The following PRKCZ variants were observed in gnomAD, a reference collection of about 807,000 sequenced individuals.
PRKCZ encodes the protein protein kinase C zeta type.
A neutral mutation model predicts 79.5 loss-of-function variants in PRKCZ; 33 were observed. The ratio of observed to expected loss-of-function variants is 0.41; its 90% CI spans 0.31 to 0.55. The LOEUF is 0.55. Ranked by LOEUF, PRKCZ falls within the 20% of genes least tolerant of loss-of-function variation. The probability of loss-of-function intolerance (pLI) is 0.19; values close to 1 mark genes in which losing one functional copy is unlikely to be tolerated. For missense variants in PRKCZ, 578 were observed against 813.5 expected (o/e 0.71, Z 3.52); for synonymous variants, 342 against 320.9 (o/e 1.07, Z -0.70).
chr1:2,175,501 T>C lies in PRKCZ; in HGVS notation c.1575+188T>C, dbSNP rs28594804. Among the ~76,000 whole-genome samples the C allele has an allele frequency of 4.9e-3, 147 of 29,788 alleles. 1 individual carries two copies. The highest frequency in any genetic ancestry group is 0.018 in the African/African-American group (132 of 7,406). The allele number at this position is 29,788 out of a possible 152,430, so 19.5% of individuals were successfully genotyped here. On this transcript the variant is annotated intron_variant, in intron 16 of 17. Transcript: ENST00000378567. ...CCACCAACCCAACCCCCAGCCCAAC[T>C]CCCACCCCAACCCCCAACTCAACCC...
rs1663829467 is a variant in PRKCZ, at chr1:2,082,896, AG to A, written c.334+23306del. Among the ~76,000 whole-genome samples the A allele has an allele frequency of 6.7e-6, 1 of 149,302 alleles. No individual in the cohort carries two copies. Among genetic ancestry groups the A allele is most frequent in the Non-Finnish European group, 1.5e-5 (1 of 67,252 alleles). On this transcript the variant is annotated intron_variant, in intron 4 of 17. Coordinates refer to ENST00000378567, the MANE Select transcript of PRKCZ (RefSeq NM_002744.6). The surrounding 1 kb of genome is among the most constrained non-coding windows in gnomAD (Gnocchi z 4.4). ...TGTGAGGGTGCAAGGGAGAGGGTGG[AG>A]AGGGTGGCAGTGAGGGCGCGAGAGG...
intron 4 of PRKCZ, among the ~76,000 whole-genome samples, chr1:2,109,219 A>C (rs1039558231): frequency 3.9e-5 from 6 of 152,200 alleles, no homozygotes; most frequent in Admixed American, 6.5e-5. Context: ...ACAGCTGACC[A>C]TGGGTGCTTC....
In PRKCZ at chr1:2,183,148, G is replaced by A. The variant is rs139278898; in HGVS notation, c.1576-1435G>A. On this transcript the variant is annotated intron_variant, in intron 16 of 17. Coordinates refer to ENST00000378567, the MANE Select transcript of PRKCZ (RefSeq NM_002744.6). ...CAGAAGGCTGAGGCGGGAGAATGGT[G>A]TGAACCTGGGAGGTGGAGCTTGCAG... Among the ~76,000 whole-genome samples, 209 of 152,300 alleles carry A rather than the reference G, an allele frequency of 1.4e-3. 2 individuals carry two copies. The East Asian group carries it at 0.033, about 24-fold the overall frequency.
At chr1:2,180,279 A>G (rs539537508) in intron 16 of PRKCZ, among the ~76,000 whole-genome samples, 1 of 152,140 alleles carries the variant, frequency 6.6e-6, no homozygotes, top group Admixed American at 6.5e-5. Flanking sequence ...TTTAAGGCCA[A>G]CCTGTTTATG....
intron 3 of PRKCZ, among the ~76,000 whole-genome samples, chr1:2,057,549 C>G (rs1660281539): frequency 6.6e-6 from 1 of 152,154 alleles, no homozygotes; most frequent in African/African-American, 2.4e-5. Context: ...TTTTCTTCGC[C>G]CTTTATATCA....
intron 10 of PRKCZ, among the ~76,000 whole-genome samples, chr1:2,164,048 A>G (rs1420000013): frequency 6.6e-6 from 1 of 152,198 alleles, no homozygotes; most frequent in African/African-American, 2.4e-5. Context: ...AACCATCCTT[A>G]GATTCCTGGG....
chr1:2,108,891 A>G (rs1669141273), intron 4 of PRKCZ, among the ~76,000 whole-genome samples: 1 of 152,180 alleles, frequency 6.6e-6, no homozygotes, highest in African/African-American at 2.4e-5. Flanking sequence ...TAGTCAAGGC[A>G]CCAGCTGGGT....
intron 4 of PRKCZ, chr1:2,133,733 C>T (rs1675543619): frequency 6.5e-6 from 1 of 152,682 alleles, no homozygotes; most frequent in African/African-American, 2.4e-5. Flanking sequence ...GTACCTCCGT[C>T]TCCGCCGCTT....
chr1:2,184,513 G>A (rs1047449400), intron 16 of PRKCZ, 70 bp from the exon 17 acceptor site: 23 of 1,150,224 alleles, frequency 2.0e-5, no homozygotes, highest in Middle Eastern at 1.9e-4. Context: ...ATTGAAGTGC[G>A]TGCAAAACAC....
chr1:2,182,895 A>T (rs1300920226), intron 16 of PRKCZ: 1 of 152,402 alleles, frequency 6.6e-6, no homozygotes, highest in Non-Finnish European at 1.5e-5. Flanking sequence ...GTGAGTGAGC[A>T]GGAGTGGGTT....
chr1:2,058,248 C>T lies in PRKCZ; in HGVS notation c.284-1293C>T, dbSNP rs570325524. Among the ~76,000 whole-genome samples the T allele has an allele frequency of 2.0e-5, 3 of 152,224 alleles. No homozygotes were observed. The South Asian group carries it at 6.2e-4, about 32-fold the overall frequency. On this transcript the variant is annotated intron_variant, in intron 3 of 17. Coordinates refer to ENST00000378567, the MANE Select transcript of PRKCZ (RefSeq NM_002744.6). ...AAACTCCTGACCTTAGGTGATCTGCCTGCCTCAGCTTCCTGAAGTGTTGGG... is the reference window on the plus strand; with the variant it reads ...AAACTCCTGACCTTAGGTGATCTGCTTGCCTCAGCTTCCTGAAGTGTTGGG...
In PRKCZ at chr1:2,082,354, G is replaced by A. The variant is rs1051690093; in HGVS notation, c.334+22763G>A. On this transcript the variant is annotated intron_variant, in intron 4 of 17. Coordinates refer to ENST00000378567, the MANE Select transcript of PRKCZ (RefSeq NM_002744.6). The surrounding 1 kb of genome is among the most constrained non-coding windows in gnomAD (Gnocchi z 4.4). ...GGCAAATCACCTCTTTCAAGTTGCC[G>A]GCTACCCGGCTGCCGTAGACAGAGT... The A allele has an allele frequency of 1.3e-5, 6 of 455,728 alleles. No homozygotes were observed. The highest frequency in any genetic ancestry group is 2.2e-5 in the Non-Finnish European group (5 of 226,834). The allele number at this position is 455,728 out of a possible 1,614,324, so 28.2% of individuals were successfully genotyped here. A position where few individuals can be genotyped will look rare whatever the true frequency, so the allele number is the denominator to read the frequency against.
chr1:2,148,927 G>A lies in PRKCZ; in HGVS notation c.687+3G>A, dbSNP rs1254739933. ...ACAGCATTAAAGACGACTCGGAGGT[G>A]AGTGTGTGGAGCAGCTCGCTGCCAT... On this transcript the variant is annotated splice_donor_region_variant and intron_variant, in intron 8 of 17. Coordinates refer to ENST00000378567, the MANE Select transcript of PRKCZ (RefSeq NM_002744.6). 1 of 1,613,724 alleles carries A rather than the reference G, an allele frequency of 6.2e-7. No individual in the cohort carries two copies.
intron 10 of PRKCZ, chr1:2,156,342 T>C: frequency 5.0e-6 from 2 of 397,150 alleles, no homozygotes; most frequent in Non-Finnish European, 9.6e-6. Flanking sequence ...AGTGCAGGCA[T>C]TGGGTCAGGT....
intron 4 of PRKCZ, among the ~76,000 whole-genome samples, chr1:2,067,906 T>C (rs28523801): frequency 0.13 from 19,163 of 152,282 alleles, 1,328 homozygotes; most frequent in East Asian, 0.23. Context: ...GTCTTTGAGC[T>C]GCTTTGCCTG....
intron 4 of PRKCZ, among the ~76,000 whole-genome samples, chr1:2,059,836 G>A (rs894341372): frequency 6.6e-6 from 1 of 152,206 alleles, no homozygotes; most frequent in Admixed American, 6.5e-5. Flanking sequence ...AAGTCCAGGG[G>A]TGCCCTGCCG....
At chr1:2,070,399 C>T (rs974475852) in intron 4 of PRKCZ, among the ~76,000 whole-genome samples, 10 of 152,224 alleles carry the variant, frequency 6.6e-5, no homozygotes, top group African/African-American at 2.4e-4. Flanking sequence ...CCGAGCCTCA[C>T]CCCTTGGGTC....
At chr1:2,103,681 A>G (rs189935240) in intron 4 of PRKCZ, among the ~76,000 whole-genome samples, 26 of 152,352 alleles carry the variant, frequency 1.7e-4, no homozygotes, top group Admixed American at 1.7e-3. Flanking sequence ...CTGCAGGGCT[A>G]TGATTGCAAC....
At chr1:2,058,269 T>G (rs1209691633) in intron 3 of PRKCZ, among the ~76,000 whole-genome samples, 1 of 151,358 alleles carries the variant, frequency 6.6e-6, no homozygotes, top group Non-Finnish European at 1.5e-5. Flanking sequence ...TCCTGAAGTG[T>G]TGGGATTACA....
Sources: gnomAD v4.1 joint callset for allele counts (sites outside exome capture counted in the v4.1 genomes callset) on GRCh38, gnomAD v4.1.1 for gene constraint, Gnocchi (gnomAD v3.1) non-coding constraint, MANE v1.5 for transcripts, NCBI Gene and HGNC (gene_info 2026-07-23, HGNC 2026-07-21) for gene names.